The following CCDC181 variants were observed in gnomAD, a reference collection of about 807,000 sequenced individuals.
The protein encoded by CCDC181 is coiled-coil domain containing 181, also known as coiled-coil domain-containing protein 181.
Under a neutral mutation model 58.7 loss-of-function variants are expected in CCDC181, and 35 were observed. The observed-to-expected ratio is 0.60, with a 90% confidence interval of 0.46 to 0.79. CCDC181 has a LOEUF of 0.79. Ranked by LOEUF, CCDC181 falls within the 30% of genes least tolerant of loss-of-function variation. The probability of loss-of-function intolerance (pLI) is 0.00; values close to 1 mark genes in which losing one functional copy is unlikely to be tolerated. For synonymous variants in CCDC181, 183 were observed against 197.5 expected (o/e 0.93, Z 0.62); for missense variants, 517 against 583.9 (o/e 0.89, Z 1.18).
At chr1:169,428,207 T>G (rs1656795854), upstream of CCDC181, among the ~76,000 whole-genome samples, 1 of 152,214 alleles carries the variant, frequency 6.6e-6, no homozygotes, top group African/African-American at 2.4e-5. Context: ...CTTAAGGTCT[T>G]TTAAAATGGA....
intron 2 of CCDC181, among the ~76,000 whole-genome samples, chr1:169,454,974 TTTAA>T (rs1215130519): frequency 2.6e-5 from 4 of 152,134 alleles, no homozygotes; most frequent in African/African-American, 9.6e-5. Flanking sequence ...TTCTCAACAG[TTTAA>T]TTATTCTCTA....
chr1:169,395,241 T>G (rs17576071), intron 5 of CCDC181, 35 bp from the exon 6 acceptor site: 84,850 of 1,570,154 alleles, frequency 0.054, 2,681 homozygotes, highest in South Asian at 0.11. Context: ...TTGGTGAGTA[T>G]CAACCTGAAT....
At chr1:169,397,048 A>G in intron 5 of CCDC181, among the ~76,000 whole-genome samples, 189 bp downstream of exon 5, 1 of 150,804 alleles carries the variant, frequency 6.6e-6, no homozygotes, top group East Asian at 1.9e-4. Flanking sequence ...ATATAACTCC[A>G]TATATATAAT....
intron 4 of CCDC181, among the ~76,000 whole-genome samples, chr1:169,403,003 G>T (rs186900192): frequency 1.7e-3 from 227 of 134,192 alleles, no homozygotes; most frequent in African/African-American, 5.7e-3. Flanking sequence ...AAAAGCAGGG[G>T]TTGCAATCCT....
At chr1:169,425,132 G>A (rs1163117034) in intron 1 of CCDC181, among the ~76,000 whole-genome samples, 182 bp from the exon 2 acceptor site, 1 of 151,938 alleles carries the variant, frequency 6.6e-6, no homozygotes, top group Non-Finnish European at 1.5e-5. Flanking sequence ...ATTTCCATAG[G>A]TAAACATTCC....
Position 169,421,526 on chromosome 1 carries a change from G to C in CCDC181, c.905C>G (p.Pro302Arg). ...TCGATCTGAGTTGACAGCAGAGCTT[G>C]GACAAGTCTTGCGGTTGAGTGGTGG... The part of the protein sequence containing the change: ...AQPPLNRKTC[P>R]SSAVNSDRSK... Residue 302 changes from proline (P) to arginine (R), a missense_variant, in exon 3 of 6, where the codon CCA (proline) becomes CGA (arginine). Physicochemically the swap from Pro to Arg is moderately radical, Grantham distance 103 (BLOSUM62 -2). Coordinates refer to ENST00000367806, the MANE Select transcript of CCDC181 (RefSeq NM_001300969.2). The C allele has an allele frequency of 6.2e-7, 1 of 1,614,094 alleles. No homozygotes were observed. Among genetic ancestry groups the C allele is most frequent in the Non-Finnish European group, 8.5e-7 (1 of 1,180,004 alleles).
intron 2 of CCDC181, among the ~76,000 whole-genome samples, chr1:169,449,246 A>AG (rs1657465056): frequency 6.6e-6 from 1 of 152,208 alleles, no homozygotes; most frequent in Non-Finnish European, 1.5e-5. Flanking sequence ...ATCAGATACT[A>AG]GGAACTGAGG....
At position 169,424,950 on chromosome 1, in the gene CCDC181, G is replaced by T. The variant is rs760241695; in HGVS notation, c.-23C>A. 1 of 1,397,344 alleles carries T rather than the reference G, an allele frequency of 7.2e-7. No homozygotes were observed. Among genetic ancestry groups the T allele is most frequent in the Admixed American group, 1.7e-5 (1 of 57,468 alleles). 86.6% of individuals were successfully genotyped at this position (1,397,344 alleles called of 1,614,324 possible). A position where few individuals can be genotyped will look rare whatever the true frequency, so the allele number is the denominator to read the frequency against. ...CATTTTCTGTTTGTGAAGGAAATAT[G>T]CTGTAAGATTTTAAAAGATAAGGTA... On this transcript the variant is annotated splice_region_variant and 5_prime_UTR_variant, in exon 2 of 6. Transcript: ENST00000367806.
rs1178494027 is a variant in CCDC181 at position 169,416,195 on chromosome 1, C to T, written c.1215+2818G>A. Among the ~76,000 whole-genome samples, 5 of 152,172 alleles carry T rather than the reference C, an allele frequency of 3.3e-5. 1 individual carries two copies. The highest frequency in any genetic ancestry group is 7.3e-5 in the Non-Finnish European group (5 of 68,030). ...AAGCACAGTTTCCCCTTCTGGGTAG[C>T]GTGCTCATTCACTGCCTCCCTTTGC... On this transcript the variant is annotated intron_variant, in intron 4 of 5. Coordinates refer to ENST00000367806, the MANE Select transcript of CCDC181 (RefSeq NM_001300969.2).
intron 4 of CCDC181, among the ~76,000 whole-genome samples, chr1:169,405,445 G>C (rs1476289258): frequency 6.6e-6 from 1 of 152,130 alleles, no homozygotes; most frequent in Non-Finnish European, 1.5e-5. Context: ...CATGGTACTG[G>C]TACCAAAACA....
rs1459057155 is a variant in CCDC181 at position 169,394,958 on chromosome 1, TTTA to T, written c.*86_*88del. 1,582 of 1,172,120 alleles carry T rather than the reference TTTA, an allele frequency of 1.3e-3. 13 individuals carry two copies. The African/African-American group carries it at 0.021, about 16-fold the overall frequency. 72.6% of individuals were successfully genotyped at this position (1,172,120 alleles called of 1,614,324 possible). ...TAAAAGATAAATACCATTTCCATAATTTAGAATACAACCAAAGTACACAGACCC... is the reference window on the plus strand; with the variant it reads ...TAAAAGATAAATACCATTTCCATAATGAATACAACCAAAGTACACAGACCC... On this transcript the variant is annotated 3_prime_UTR_variant, in exon 6 of 6. Transcript: ENST00000367806.
At chr1:169,429,367 A>G (rs1036563817), upstream of CCDC181, among the ~76,000 whole-genome samples, 1 of 152,192 alleles carries the variant, frequency 6.6e-6, no homozygotes, top group Non-Finnish European at 1.5e-5. Context: ...AGTTCTTTAA[A>G]GAATCTCCAC....
intron 2 of CCDC181, among the ~76,000 whole-genome samples, chr1:169,449,910 C>A (rs1471501422): frequency 1.3e-5 from 2 of 152,174 alleles, no homozygotes; most frequent in Non-Finnish European, 2.9e-5. Flanking sequence ...ATCCTTCAGT[C>A]CAATCAAGTT....
Position 169,402,351 on chromosome 1 carries a change from T to C in CCDC181, c.1216-4960A>G, listed in dbSNP as rs535347401. ...AGAAGAGCAACTCCAAGACACATAATTGTCAGATTTACTAAAGTTGAAATG... is the reference window on the plus strand; with the variant it reads ...AGAAGAGCAACTCCAAGACACATAACTGTCAGATTTACTAAAGTTGAAATG... On this transcript the variant is annotated intron_variant, in intron 4 of 5. Coordinates refer to ENST00000367806, the MANE Select transcript of CCDC181 (RefSeq NM_001300969.2). Among the ~76,000 whole-genome samples, 7 of 152,170 alleles carry C rather than the reference T, an allele frequency of 4.6e-5. 1 individual carries two copies. In the South Asian group the frequency reaches 6.2e-4, roughly 14 times the overall value.
chr1:169,431,691 C>T (rs902633806), upstream of CCDC181, among the ~76,000 whole-genome samples: 8 of 152,168 alleles, frequency 5.3e-5, no homozygotes, highest in African/African-American at 1.9e-4. Flanking sequence ...CAAACCCCAG[C>T]TCCCTAGCAG....
chr1:169,448,993 A>G (rs2101755125), intron 2 of CCDC181, among the ~76,000 whole-genome samples: 1 of 152,178 alleles, frequency 6.6e-6, no homozygotes, highest in East Asian at 1.9e-4. Flanking sequence ...AGTGTCTCTG[A>G]TTTTTAGCAT....
intron 2 of CCDC181, among the ~76,000 whole-genome samples, chr1:169,448,452 G>T (rs1657440911): frequency 6.6e-6 from 1 of 151,982 alleles, no homozygotes; most frequent in African/African-American, 2.4e-5. Flanking sequence ...ACTGGATGTA[G>T]AATTATAGGT....
intron 2 of CCDC181, among the ~76,000 whole-genome samples, chr1:169,450,417 T>C (rs564784312): frequency 6.6e-6 from 1 of 152,318 alleles, no homozygotes; most frequent in Non-Finnish European, 1.5e-5. Flanking sequence ...TCCTGCCTCC[T>C]AACAATGGAG....
rs779255861 is a variant in CCDC181, at chr1:169,422,208, C to T, written c.223G>A (p.Glu75Lys). Reference protein sequence around the residue: ...HSDPDKSLQDEVSPRRNDIIS... With the variant: ...HSDPDKSLQDKVSPRRNDIIS... ...ATGTCATTTCTTCTTGGTGAGACCT[C>T]ATCCTGCAAAGATTTGTCAGGATCA... Residue 75 changes from glutamate to lysine, a missense_variant, in exon 3 of 6, where the codon GAG becomes AAG. Glu to Lys is a moderately conservative substitution (Grantham distance 56, BLOSUM62 1). Transcript: ENST00000367806. The T allele has an allele frequency of 6.2e-7, 1 of 1,613,654 alleles. No individual in the cohort carries two copies. The highest frequency in any genetic ancestry group is 1.3e-5 in the African/African-American group (1 of 75,034).
Sources: allele counts gnomAD v4.1 joint callset (sites outside exome capture counted in the v4.1 genomes callset), GRCh38; gene constraint gnomAD v4.1.1; transcripts MANE v1.5; gene names NCBI Gene and HGNC (gene_info 2026-07-23, HGNC 2026-07-21).